SLC25A33: variants seen among roughly 807,000 people sequenced by gnomAD.
SLC25A33 encodes the protein solute carrier family 25 member 33.
A neutral mutation model predicts 35.5 loss-of-function variants in SLC25A33; 15 were observed. The observed-to-expected ratio is 0.42, with a 90% confidence interval of 0.28 to 0.65. SLC25A33 has a LOEUF of 0.65. SLC25A33 is among the 30% of genes least tolerant of loss of function. The pLI, the probability that SLC25A33 is intolerant of heterozygous loss-of-function variation, is 0.20. For missense variants in SLC25A33, 257 were observed against 398.5 expected, an observed-to-expected ratio of 0.64 and a Z score of 3.02; for synonymous variants, 136 against 148.7, an observed-to-expected ratio of 0.91 and a Z score of 0.62.
chr1:9,547,502 G>T (rs1235370832), intron 1 of SLC25A33, among the ~76,000 whole-genome samples: 1 of 152,138 alleles, frequency 6.6e-6, no homozygotes, highest in African/African-American at 2.4e-5. Flanking sequence ...GGAAGAGAGG[G>T]ATGGATGCTG....
At chr1:9,539,819 C>G in intron 1 of SLC25A33, 72 bp downstream of exon 1, 1 of 1,230,496 alleles carries the variant, frequency 8.1e-7, no homozygotes, top group Non-Finnish European at 1.0e-6. Context: ...GGGCGCGGCC[C>G]CAGCCTCCCG....
At chr1:9,580,867 ATAAT>A (rs535406195) in intron 6 of SLC25A33, among the ~76,000 whole-genome samples, 17,846 of 125,470 alleles carry the variant, frequency 0.14, 1,249 homozygotes, top group East Asian at 0.23. Flanking sequence ...AAAAAAAAAA[ATAAT>A]AATAATAATA....
chr1:9,580,838 G>T (rs1185834763), intron 6 of SLC25A33, among the ~76,000 whole-genome samples: 1 of 145,406 alleles, frequency 6.9e-6, no homozygotes, highest in Non-Finnish European at 1.5e-5. Flanking sequence ...CCTGGCAACA[G>T]AGCGAGACTC....
chr1:9,564,736 AAAAATATATATAT>A (rs567544768), intron 2 of SLC25A33, among the ~76,000 whole-genome samples: 1,540 of 81,938 alleles, frequency 0.019, 45 homozygotes, highest in African/African-American at 0.067. Context: ...AAAAAAAAAA[AAAAATATATATAT>A]ATATATATAT....
chr1:9,557,395 A>G lies in SLC25A33; in HGVS notation c.236+3590A>G, dbSNP rs190864195. 1.1e-4 allele frequency among the ~76,000 whole-genome samples: 16 copies of G among 152,286 alleles called. No homozygotes were observed. The East Asian group carries it at 3.1e-3, about 29-fold the overall frequency. ...AGCTTTATTTCCTCAGCTTTATTATATATTTTTAAAATTCTGGGCTGGGCA... is the reference window on the plus strand; with the variant it reads ...AGCTTTATTTCCTCAGCTTTATTATGTATTTTTAAAATTCTGGGCTGGGCA... On this transcript the variant is annotated intron_variant, in intron 2 of 6. Coordinates refer to ENST00000302692, the MANE Select transcript of SLC25A33 (RefSeq NM_032315.3).
intron 2 of SLC25A33, among the ~76,000 whole-genome samples, chr1:9,565,086 G>A (rs1300785469): frequency 6.6e-6 from 1 of 152,134 alleles, no homozygotes; most frequent in African/African-American, 2.4e-5. Context: ...GTGACTGCCA[G>A]GGCCTGACGG....
intron 1 of SLC25A33, among the ~76,000 whole-genome samples, chr1:9,550,056 A>G (rs1345911568): frequency 1.0e-5 from 1 of 96,250 alleles, no homozygotes; most frequent in Admixed American, 1.7e-4. Flanking sequence ...GGTCTCACCC[A>G]GGCTGAAGTA....
Position 9,570,565 on chromosome 1 carries a change from T to C in SLC25A33, c.415+207T>C, listed in dbSNP as rs1643574477. On this transcript the variant is annotated intron_variant, in intron 4 of 6. Transcript: ENST00000302692. ...TTCCTTGACCACTAAAGCTCTTTATTTGCCCTCAAAATGTACATGTTCTAT... is the reference window on the plus strand; with the variant it reads ...TTCCTTGACCACTAAAGCTCTTTATCTGCCCTCAAAATGTACATGTTCTAT... 2.0e-5 allele frequency among the ~76,000 whole-genome samples: 3 copies of C among 152,134 alleles called. No individual in the cohort carries two copies. The South Asian group carries it at 6.2e-4, about 32-fold the overall frequency.
At chr1:9,551,374 A>C (rs901487886) in intron 1 of SLC25A33, among the ~76,000 whole-genome samples, 1 of 152,294 alleles carries the variant, frequency 6.6e-6, no homozygotes. Flanking sequence ...ACTGTCCCCC[A>C]AAAATCAATA....
intron 2 of SLC25A33, among the ~76,000 whole-genome samples, chr1:9,557,041 C>A (rs1028754693): frequency 6.6e-6 from 1 of 152,178 alleles, no homozygotes; most frequent in Non-Finnish European, 1.5e-5. Flanking sequence ...TCAAGCGATT[C>A]TCCTTCCTCA....
rs909316358 is a variant in SLC25A33 at position 9,575,232 on chromosome 1, A to T, written c.482+1820A>T. 1.0e-4 allele frequency among the ~76,000 whole-genome samples: 15 copies of T among 150,020 alleles called. No individual in the cohort carries two copies. The East Asian group carries it at 1.7e-3, about 17-fold the overall frequency. On this transcript the variant is annotated intron_variant, in intron 5 of 6. Transcript: ENST00000302692. ...TGGCTCAAAAAAAAAAAAAAAAAAA[A>T]AAATAAGAACCCCTGTATTACTGTG...
intron 1 of SLC25A33, among the ~76,000 whole-genome samples, chr1:9,548,451 A>G (rs1308819538): frequency 1.3e-5 from 2 of 152,202 alleles, no homozygotes; most frequent in East Asian, 3.9e-4. Flanking sequence ...GTAGGGTGGC[A>G]CACGCCTGTA....
rs545806213 is a variant in SLC25A33 at position 9,580,804 on chromosome 1, C to T, written c.763+570C>T. Reference sequence around the variant, plus strand: ...CCGGGAGGTGGAGGTTGCAGTGAGCCGAGATCAAGCCACTGCACTCCACCC... The same window carrying T: ...CCGGGAGGTGGAGGTTGCAGTGAGCTGAGATCAAGCCACTGCACTCCACCC... On this transcript the variant is annotated intron_variant, in intron 6 of 6. Coordinates refer to ENST00000302692, the MANE Select transcript of SLC25A33 (RefSeq NM_032315.3). Among the ~76,000 whole-genome samples, 114 of 150,262 alleles carry T rather than the reference C, an allele frequency of 7.6e-4. 4 individuals are homozygous for T. In the South Asian group the frequency reaches 0.02, roughly 27 times the overall value.
intron 3 of SLC25A33, among the ~76,000 whole-genome samples, chr1:9,567,744 A>C (rs531002667): frequency 3.3e-5 from 5 of 152,338 alleles, no homozygotes; most frequent in African/African-American, 1.2e-4. Context: ...CAGAACCCCC[A>C]GGTGACTCCA....
rs1188857953 is a variant in SLC25A33 at position 9,578,327 on chromosome 1, G to T, written c.483-1627G>T. On this transcript the variant is annotated intron_variant, in intron 5 of 6. Coordinates refer to ENST00000302692, the MANE Select transcript of SLC25A33 (RefSeq NM_032315.3). The surrounding 1 kb of genome is among the most constrained non-coding windows in gnomAD (Gnocchi z 4.3). ...CGGAGATAATAAAGAAGGGAGAGAG[G>T]CCAGCTGAGACTGAAGCCCAAGGGG... Among the ~76,000 whole-genome samples the T allele has an allele frequency of 6.6e-6, 1 of 152,166 alleles. No individual in the cohort carries two copies. The highest frequency in any genetic ancestry group is 1.5e-5 in the Non-Finnish European group (1 of 68,026).
chr1:9,558,646 T>C (rs532819840), intron 2 of SLC25A33, among the ~76,000 whole-genome samples: 3 of 152,340 alleles, frequency 2.0e-5, no homozygotes, highest in Non-Finnish European at 4.4e-5. Context: ...TAGTCATCCT[T>C]GGATCTTATT....
At chr1:9,564,107 C>G (rs1352551756) in intron 2 of SLC25A33, among the ~76,000 whole-genome samples, 2 of 152,140 alleles carry the variant, frequency 1.3e-5, no homozygotes, top group Non-Finnish European at 2.9e-5. Flanking sequence ...AATGTAAATT[C>G]TACTGGATAC....
At chr1:9,571,459 A>G (rs1643589872) in intron 4 of SLC25A33, among the ~76,000 whole-genome samples, 1 of 151,362 alleles carries the variant, frequency 6.6e-6, no homozygotes, top group African/African-American at 2.4e-5. Context: ...ACACCCAGCC[A>G]ATTTTTTGTA....
At chr1:9,564,724 T>TAAAAAAAAAAAA (rs1643474032) in intron 2 of SLC25A33, among the ~76,000 whole-genome samples, 1 of 57,994 alleles carries the variant, frequency 1.7e-5, no homozygotes, top group African/African-American at 1.2e-4. Flanking sequence ...TCGTCTCTAT[T>TAAAAAAAAAAAA]TAAAAAAAAA....
Sources: gnomAD v4.1 joint callset for allele counts (sites outside exome capture counted in the v4.1 genomes callset) on GRCh38, gnomAD v4.1.1 for gene constraint, Gnocchi (gnomAD v3.1) non-coding constraint, MANE v1.5 for transcripts, NCBI Gene and HGNC (gene_info 2026-07-23, HGNC 2026-07-21) for gene names.